MACROD2: variants seen among roughly 807,000 people sequenced by gnomAD.
MACROD2 encodes mono-ADP ribosylhydrolase 2.
Under a neutral mutation model 70.4 loss-of-function variants are expected in MACROD2, and 36 were observed. The ratio of observed to expected loss-of-function variants is 0.51; its 90% CI spans 0.39 to 0.68. The LOEUF (loss-of-function observed/expected upper bound fraction) is 0.68. Ranked by LOEUF, MACROD2 falls within the 30% of genes least tolerant of loss-of-function variation. MACROD2 has a pLI of 0.00. For synonymous variants in MACROD2, 172 were observed against 178.8 expected (o/e 0.96, Z 0.30); for missense variants, 496 against 538.4 (o/e 0.92, Z 0.78).
At chr20:15,262,098 T>C (rs1385676319) in intron 6 of MACROD2, among the ~76,000 whole-genome samples, 1 of 151,998 alleles carries the variant, frequency 6.6e-6, no homozygotes, top group Non-Finnish European at 1.5e-5. Flanking sequence ...AATAAATAAT[T>C]GTTAACTGTA....
At chr20:14,084,776 C>G (rs1275540198) in intron 2 of MACROD2, among the ~76,000 whole-genome samples, 1 of 151,834 alleles carries the variant, frequency 6.6e-6, no homozygotes, top group Non-Finnish European at 1.5e-5. Context: ...AAGAAAGGAG[C>G]AGTTTCACAA....
chr20:14,649,527 C>T (rs1336056700), intron 4 of MACROD2, among the ~76,000 whole-genome samples: 2 of 152,220 alleles, frequency 1.3e-5, no homozygotes, highest in East Asian at 3.9e-4. Flanking sequence ...GCATTGGCTG[C>T]AAAGGGGATC....
intron 12 of MACROD2, among the ~76,000 whole-genome samples, chr20:15,938,518 G>C (rs2065701189): frequency 1.3e-5 from 2 of 152,138 alleles, no homozygotes; most frequent in South Asian, 2.1e-4. Context: ...GCTATGTACT[G>C]TGCCCATATA....
At chr20:15,249,699 G>C (rs79409612) in intron 6 of MACROD2, among the ~76,000 whole-genome samples, 27 of 152,310 alleles carry the variant, frequency 1.8e-4, no homozygotes, top group African/African-American at 6.0e-4. Context: ...ATCATGCAAC[G>C]TTCCTTTTCT....
At chr20:14,975,760 C>T (rs911923352) in intron 5 of MACROD2, among the ~76,000 whole-genome samples, 2 of 152,142 alleles carry the variant, frequency 1.3e-5, no homozygotes, top group African/African-American at 4.8e-5. Context: ...TTTACTCACT[C>T]ATACCTAGTC....
At chr20:15,817,463 G>A (rs753810554) in intron 8 of MACROD2, among the ~76,000 whole-genome samples, 1 of 152,106 alleles carries the variant, frequency 6.6e-6, no homozygotes, top group Non-Finnish European at 1.5e-5. Flanking sequence ...TGCTAAACAC[G>A]ATACTTTCTT....
intron 5 of MACROD2, among the ~76,000 whole-genome samples, chr20:14,773,675 G>A (rs753721581): frequency 9.9e-5 from 15 of 152,024 alleles, no homozygotes; most frequent in Non-Finnish European, 1.8e-4. Context: ...AAGTGATAGA[G>A]TGACTCACCA....
rs376150206 is a variant in MACROD2 at position 15,883,106 on chromosome 20, A to G, written c.728-2658A>G. Among the ~76,000 whole-genome samples, 31 of 152,258 alleles carry G rather than the reference A, an allele frequency of 2.0e-4. 1 individual carries two copies. In the East Asian group the frequency reaches 2.9e-3, roughly 14 times the overall value. ...CATCTTGGTGTTTTCTACAGCCCCA[A>G]ACATAAAGCCTTGTACACAATAGGC... is the stretch of plus-strand genomic sequence containing the variant. On this transcript the variant is annotated intron_variant, in intron 9 of 17. Coordinates refer to ENST00000684519, the MANE Select transcript of MACROD2 (RefSeq NM_001351661.2).
chr20:14,022,601 C>G (rs2053102340), intron 2 of MACROD2, among the ~76,000 whole-genome samples: 2 of 152,056 alleles, frequency 1.3e-5, no homozygotes, highest in Admixed American at 1.3e-4. Flanking sequence ...AGCCCTCCCC[C>G]ACCCACCGAC....
At chr20:15,937,579 A>G in intron 12 of MACROD2, 35 bp downstream of exon 12, 1 of 1,572,658 alleles carries the variant, frequency 6.4e-7, no homozygotes, top group South Asian at 1.1e-5. Context: ...ATAATTGCAG[A>G]CTCTTAAAAG....
chr20:14,338,571 T>C (rs2082977784), intron 3 of MACROD2, among the ~76,000 whole-genome samples: 1 of 152,194 alleles, frequency 6.6e-6, no homozygotes. Flanking sequence ...GGATTATTTA[T>C]ATTTAACGAT....
At chr20:14,718,957 G>A (rs909840765) in intron 5 of MACROD2, among the ~76,000 whole-genome samples, 4 of 152,084 alleles carry the variant, frequency 2.6e-5, no homozygotes, top group Admixed American at 2.6e-4. Flanking sequence ...TAGTCAGCCG[G>A]GTGTGGTGGC....
intron 10 of MACROD2, among the ~76,000 whole-genome samples, chr20:15,932,359 T>C (rs1283260007): frequency 1.3e-5 from 2 of 152,126 alleles, no homozygotes; most frequent in Non-Finnish European, 2.9e-5. Flanking sequence ...CATATTTCAT[T>C]GGTCTAAAGA....
intron 3 of MACROD2, among the ~76,000 whole-genome samples, chr20:14,279,910 T>C (rs1214716186): frequency 2.0e-5 from 3 of 152,182 alleles, no homozygotes; most frequent in Admixed American, 6.5e-5. Flanking sequence ...CAATCAGGAA[T>C]AACTGTGTGA....
At chr20:15,894,098 G>T (rs1409187288) in intron 10 of MACROD2, 4 of 368,026 alleles carry the variant, frequency 1.1e-5, no homozygotes, top group Non-Finnish European at 2.1e-5. Flanking sequence ...CAACAGTGTG[G>T]TTGCTGGGTG....
At chr20:14,506,043 G>A (rs551617545) in intron 4 of MACROD2, among the ~76,000 whole-genome samples, 146 of 152,288 alleles carry the variant, frequency 9.6e-4, no homozygotes, top group Non-Finnish European at 1.7e-3. Flanking sequence ...AGGGTTGGGA[G>A]TGTTGGGGGG....
chr20:15,611,886 C>G (rs2048975397), intron 8 of MACROD2, among the ~76,000 whole-genome samples: 1 of 145,916 alleles, frequency 6.9e-6, no homozygotes, highest in African/African-American at 2.6e-5. Context: ...CATCCTAGAT[C>G]AACATGCATT....
rs1391026343 is a variant in MACROD2, at chr20:14,478,842, T to A, written c.272-14637T>A. Among the ~76,000 whole-genome samples the A allele has an allele frequency of 3.3e-5, 5 of 152,144 alleles. No homozygotes were observed. In the South Asian group the frequency reaches 6.2e-4, roughly 19 times the overall value. ...TTAATTTTCCAAGATTTTTTGGTCT[T>A]ATTTTGGTGGGCCTTGTGTATCTGG... On this transcript the variant is annotated intron_variant, in intron 3 of 17. Transcript: ENST00000684519.
chr20:14,988,376 G>T (rs567880033), intron 5 of MACROD2, among the ~76,000 whole-genome samples: 8 of 143,832 alleles, frequency 5.6e-5, no homozygotes, highest in African/African-American at 1.5e-4. Flanking sequence ...AAAAAAAAAG[G>T]CTTTATAAAT....
Sources: allele counts gnomAD v4.1 joint callset (sites outside exome capture counted in the v4.1 genomes callset), GRCh38; gene constraint gnomAD v4.1.1; transcripts MANE v1.5; gene names NCBI Gene and HGNC (gene_info 2026-07-23, HGNC 2026-07-21).